The following BTBD9 variants were observed in gnomAD, a reference collection of about 807,000 sequenced individuals.
The protein encoded by BTBD9 is BTB domain containing 9.
BTBD9 carries 49 observed loss-of-function variants against 64.3 expected under a neutral mutation model. That is an observed-to-expected ratio of 0.76 (90% confidence interval 0.61 to 0.97). BTBD9 has a LOEUF of 0.97. Ranked by LOEUF, BTBD9 falls within the 50% of genes least tolerant of loss-of-function variation. BTBD9 has a pLI of 0.00. For missense variants in BTBD9, 598 were observed against 762.1 expected (o/e 0.78, Z 2.53); for synonymous variants, 260 against 274.7 (o/e 0.95, Z 0.53).
intron 6 of BTBD9, among the ~76,000 whole-genome samples, chr6:38,350,040 C>T (rs1252159647): frequency 6.6e-6 from 1 of 152,186 alleles, no homozygotes; most frequent in East Asian, 1.9e-4. Context: ...CCCTTCTTGG[C>T]AGAGAATGTG....
chr6:38,203,766 G>C (rs9462412), intron 9 of BTBD9, among the ~76,000 whole-genome samples: 58,082 of 151,166 alleles, frequency 0.38, 11,656 homozygotes, highest in Non-Finnish European at 0.44. Context: ...AGGTGGAAGG[G>C]GGAAATGAAG....
At chr6:38,373,894 A>G (rs886687402) in intron 6 of BTBD9, among the ~76,000 whole-genome samples, 6 of 152,150 alleles carry the variant, frequency 3.9e-5, no homozygotes, top group African/African-American at 1.4e-4. Context: ...ATCAAAACTG[A>G]AAAAGGATAT....
At chr6:38,514,444 A>C (rs1772918654) in intron 6 of BTBD9, among the ~76,000 whole-genome samples, 1 of 152,238 alleles carries the variant, frequency 6.6e-6, no homozygotes. Flanking sequence ...ACCTTCAGAT[A>C]ATATATGCTG....
At chr6:38,286,386 C>T (rs1466793598) in intron 8 of BTBD9, among the ~76,000 whole-genome samples, 1 of 152,064 alleles carries the variant, frequency 6.6e-6, no homozygotes, top group African/African-American at 2.4e-5. Context: ...TTTCTTTATA[C>T]ATACTGATTT....
rs755283902 is a variant in BTBD9, at chr6:38,184,404, T to C, written c.1641+8115A>G. On this transcript the variant is annotated intron_variant, in intron 10 of 10. Coordinates refer to ENST00000481247, the MANE Select transcript of BTBD9 (RefSeq NM_001099272.2). The surrounding 1 kb of genome is among the most constrained non-coding windows in gnomAD (Gnocchi z 4.4). ...ATTTCTATTCCCAAGCAGGTTTTCT[T>C]TGTGGGCATCCATTTCCAGTTGCTG... 6.6e-6 allele frequency among the ~76,000 whole-genome samples: 1 copy of C among 152,244 alleles called. No homozygotes were observed. The highest frequency in any genetic ancestry group is 2.4e-5 in the African/African-American group (1 of 41,470).
chr6:38,548,203 A>G (rs181039348), intron 6 of BTBD9, among the ~76,000 whole-genome samples: 1 of 152,202 alleles, frequency 6.6e-6, no homozygotes, highest in African/African-American at 2.4e-5. Context: ...ATTTTCAGTA[A>G]GAAGTGATAG....
chr6:38,608,202 C>A lies in BTBD9; in HGVS notation c.-27-10081G>T, dbSNP rs140926225. On this transcript the variant is annotated intron_variant, in intron 1 of 10. Transcript: ENST00000481247. ...AGGAATGACAAGTCATAGATTGCAA[C>A]TCTAAGAAGTTGCTATCACTTATAG... 1.2e-3 allele frequency among the ~76,000 whole-genome samples: 177 copies of A among 152,274 alleles called. 1 individual carries two copies. Among genetic ancestry groups the A allele is most frequent in the African/African-American group, 3.9e-3 (162 of 41,574 alleles).
chr6:38,178,456 C>T (rs9369034), intron 10 of BTBD9, among the ~76,000 whole-genome samples: 11,278 of 152,176 alleles, frequency 0.074, 516 homozygotes, highest in Non-Finnish European at 0.11. Flanking sequence ...CCTGACTGGG[C>T]GAGGTCCCAG....
intron 8 of BTBD9, among the ~76,000 whole-genome samples, chr6:38,258,805 G>A (rs568829101): frequency 1.5e-4 from 23 of 152,272 alleles, no homozygotes; most frequent in Admixed American, 1.3e-3. Flanking sequence ...CAGGAGAATC[G>A]CTTGAATCCA....
intron 7 of BTBD9, among the ~76,000 whole-genome samples, chr6:38,310,949 A>C (rs551320581): frequency 6.6e-6 from 1 of 152,302 alleles, no homozygotes; most frequent in South Asian, 2.1e-4. Flanking sequence ...CTGAGTTTAC[A>C]GGCAGGCGCC....
At chr6:38,486,629 G>T (rs186570430) in intron 6 of BTBD9, among the ~76,000 whole-genome samples, 4 of 152,148 alleles carry the variant, frequency 2.6e-5, no homozygotes, top group Admixed American at 2.6e-4. Flanking sequence ...TCTTCTATGG[G>T]TGTGGTTTGT....
At chr6:38,181,252 G>C (rs1188033230) in intron 10 of BTBD9, among the ~76,000 whole-genome samples, 1 of 152,186 alleles carries the variant, frequency 6.6e-6, no homozygotes, top group Non-Finnish European at 1.5e-5. Flanking sequence ...TGCTTTCCTG[G>C]TTCCTCCTGA....
intron 9 of BTBD9, among the ~76,000 whole-genome samples, chr6:38,239,766 T>C (rs984635465): frequency 2.0e-5 from 3 of 152,170 alleles, no homozygotes; most frequent in Non-Finnish European, 4.4e-5. Flanking sequence ...ATCATATTGG[T>C]GGAGGGAGAA....
Position 38,171,073 on chromosome 6 carries a change from C to T in BTBD9, c.*3912G>A, listed in dbSNP as rs1462118215. The T allele has an allele frequency of 6.6e-6, 1 of 152,252 alleles. No homozygotes were observed. The highest frequency in any genetic ancestry group is 1.9e-4 in the East Asian group (1 of 5,192). The allele number at this position is 152,252 out of a possible 1,614,324, so 9.4% of individuals were successfully genotyped here. A position where few individuals can be genotyped will look rare whatever the true frequency, so the allele number is the denominator to read the frequency against. On this transcript the variant is annotated 3_prime_UTR_variant, in exon 11 of 11. Coordinates refer to ENST00000481247, the MANE Select transcript of BTBD9 (RefSeq NM_001099272.2). ...TTAATTGAAGTCTGTGAGGGGAGCGCTCCATCTCTTTATCACCAAGTGGCC... is the reference window on the plus strand; with the variant it reads ...TTAATTGAAGTCTGTGAGGGGAGCGTTCCATCTCTTTATCACCAAGTGGCC...
At chr6:38,260,145 C>T (rs1426345494) in intron 8 of BTBD9, among the ~76,000 whole-genome samples, 2 of 152,096 alleles carry the variant, frequency 1.3e-5, no homozygotes, top group Admixed American at 6.6e-5. Context: ...TGGTCTTTCT[C>T]TTTTTAAAAA....
At position 38,572,181 on chromosome 6, in the gene BTBD9, T is replaced by A. The variant is rs999223019; in HGVS notation, c.1154+5419A>T. Among the ~76,000 whole-genome samples, 4 of 152,300 alleles carry A rather than the reference T, an allele frequency of 2.6e-5. No individual in the cohort carries two copies. In the East Asian group the frequency reaches 7.7e-4, roughly 29 times the overall value. The stretch of plus-strand genomic sequence containing the variant: ...ATAATTATGTGATGTGCTTATTATT[T>A]GTTTGTTTTAATCTGTTTCTCCCAA... On this transcript the variant is annotated intron_variant, in intron 6 of 10. Coordinates refer to ENST00000481247, the MANE Select transcript of BTBD9 (RefSeq NM_001099272.2).
rs541976091 is a variant in BTBD9, at chr6:38,311,927, T to C, written c.1265-23466A>G. ...CCCAGGCTGGAGTGCGGTGGCGCGA[T>C]CTCGACTCACTGGAACCTCCACCTC... On this transcript the variant is annotated intron_variant, in intron 7 of 10. Transcript: ENST00000481247. 2.6e-3 allele frequency among the ~76,000 whole-genome samples: 397 copies of C among 152,204 alleles called. 2 individuals carry two copies. Among genetic ancestry groups the C allele is most frequent in the African/African-American group, 9.2e-3 (381 of 41,502 alleles).
chr6:38,268,606 CACA>C (rs1444779997), intron 8 of BTBD9, among the ~76,000 whole-genome samples: 1 of 152,212 alleles, frequency 6.6e-6, no homozygotes, highest in Non-Finnish European at 1.5e-5. Context: ...TCTCTCTTAA[CACA>C]ACCAGTACTA....
rs571100939 is a variant in BTBD9, at chr6:38,621,472, C to T, written c.-28+18328G>A. On this transcript the variant is annotated intron_variant, in intron 1 of 10. Transcript: ENST00000481247. ...AAGTTCATTTGTGGAGAATGGGATG[C>T]GAAGGGCAGGTTATGCCATAGTTAG... Among the ~76,000 whole-genome samples, 9 of 152,256 alleles carry T rather than the reference C, an allele frequency of 5.9e-5. No homozygotes were observed. In the South Asian group the frequency reaches 1.2e-3, roughly 21 times the overall value.
Sources: allele counts gnomAD v4.1 joint callset (sites outside exome capture counted in the v4.1 genomes callset), GRCh38; gene constraint gnomAD v4.1.1; non-coding constraint Gnocchi (gnomAD v3.1); transcripts MANE v1.5; gene names NCBI Gene and HGNC (gene_info 2026-07-23, HGNC 2026-07-21).